The following TTC14 variants were observed in gnomAD, a reference collection of about 807,000 sequenced individuals.
The protein encoded by TTC14 is tetratricopeptide repeat domain 14.
A neutral mutation model predicts 79.9 loss-of-function variants in TTC14; 63 were observed. The ratio of observed to expected loss-of-function variants is 0.79; its 90% confidence interval spans 0.64 to 0.97. The LOEUF (loss-of-function observed/expected upper bound fraction) is 0.97. Ranked by LOEUF, TTC14 falls within the 50% of genes least tolerant of loss-of-function variation. TTC14 has a pLI of 0.00. For synonymous variants in TTC14, 335 were observed against 309.6 expected, an observed-to-expected ratio of 1.08 and a Z score of -0.86; for missense variants, 895 against 894.0, an observed-to-expected ratio of 1.00 and a Z score of -0.01.
At chr3:180,617,276 T>C in intron 12 of TTC14, 1 of 469,428 alleles carries the variant, frequency 2.1e-6, no homozygotes, top group Admixed American at 3.8e-5. Context: ...CATATAAAAG[T>C]CTAGCACATA....
rs1198401343 is a variant in TTC14, at chr3:180,602,345, T to C, written c.84T>C (p.Asn28=). 4 of 1,613,190 alleles carry C rather than the reference T, an allele frequency of 2.5e-6. No homozygotes were observed. In the Admixed American group the frequency reaches 6.7e-5, roughly 27 times the overall value. Reference sequence around the variant, plus strand: ...TACTTCGGAGCGAACAGCAGGACAATCCACACTTCCGTAGCCTCCTGGGGT... The same window carrying C: ...TACTTCGGAGCGAACAGCAGGACAACCCACACTTCCGTAGCCTCCTGGGGT... ...LSLLRSEQQD[N]PHFRSLLGSA... The change falls in exon 1 of 12, where the codon AAT becomes AAC. Residue 28 remains asparagine, a synonymous_variant. Transcript: ENST00000296015.
At chr3:180,607,553 C>T (rs1210104593) in intron 9 of TTC14, 95 bp from the exon 10 acceptor site, 11 of 1,387,618 alleles carry the variant, frequency 7.9e-6, no homozygotes, top group Non-Finnish European at 1.0e-5. Flanking sequence ...TGGCTTTTCC[C>T]TAATAAGCTC....
chr3:180,610,665 A>G lies in TTC14; in HGVS notation c.*123A>G. The stretch of plus-strand genomic sequence containing the variant: ...AAATTATTTGTAGAGATTACAGGAA[A>G]CAAATGCTTTTAAGTAAGTTTTTCT... On this transcript the variant is annotated 3_prime_UTR_variant, in exon 12 of 12. Coordinates refer to ENST00000296015, the MANE Select transcript of TTC14 (RefSeq NM_133462.4). The G allele has an allele frequency of 6.9e-7, 1 of 1,439,364 alleles. No homozygotes were observed. The highest frequency in any genetic ancestry group is 1.4e-5 in the African/African-American group (1 of 70,206). 89.2% of individuals were successfully genotyped at this position (1,439,364 alleles called of 1,614,324 possible). A position where few individuals can be genotyped will look rare whatever the true frequency, so the allele number is the denominator to read the frequency against.
chr3:180,602,864 T>A, intron 1 of TTC14, 27 bp from the exon 2 acceptor site: 1 of 1,590,526 alleles, frequency 6.3e-7, no homozygotes, highest in Non-Finnish European at 8.5e-7. Flanking sequence ...ATAACCCAAT[T>A]TTCATATATA....
chr3:180,609,242 TCCCACCCGC>T, intron 11 of TTC14: 6 of 606,932 alleles, frequency 9.9e-6, no homozygotes, highest in Non-Finnish European at 1.3e-5. Flanking sequence ...ACAGGTCAGC[TCCCACCCGC>T]ACCCCCACCC....
chr3:180,616,742 AT>A, intron 12 of TTC14: 1 of 1,573,722 alleles, frequency 6.4e-7, no homozygotes, highest in Non-Finnish European at 8.6e-7. Flanking sequence ...GTTTACCAGA[AT>A]TTAATATTTT....
At chr3:180,609,510 A>G (rs1716871131) in intron 11 of TTC14, 120 bp from the exon 12 acceptor site, 3 of 1,336,872 alleles carry the variant, frequency 2.2e-6, no homozygotes, top group South Asian at 2.3e-5. Context: ...AGATTATTGT[A>G]TCATTTATCT....
At chr3:180,615,084 G>GA, downstream of TTC14, 1 of 1,512,918 alleles carries the variant, frequency 6.6e-7, no homozygotes, top group East Asian at 2.4e-5. Flanking sequence ...TGACCTAGAA[G>GA]AAAAACCAGA....
chr3:180,602,763 T>C (rs1344769901), intron 1 of TTC14, 128 bp from the exon 2 acceptor site: 3 of 1,153,824 alleles, frequency 2.6e-6, no homozygotes, highest in African/African-American at 1.6e-5. Flanking sequence ...TAAAACTTTT[T>C]GTCTGAGGTT....
At chr3:180,602,585 G>A in intron 1 of TTC14, 163 bp downstream of exon 1, 1 of 985,112 alleles carries the variant, frequency 1.0e-6, no homozygotes, top group Non-Finnish European at 1.4e-6. Flanking sequence ...GGCGCTCCTG[G>A]GTTGTGCAAT....
Position 180,605,667 on chromosome 3 carries a change from T to G in TTC14, c.858-99T>G, listed in dbSNP as rs1264062115. On this transcript the variant is annotated intron_variant, in intron 6 of 11. Coordinates refer to ENST00000296015, the MANE Select transcript of TTC14 (RefSeq NM_133462.4). ...TAGAATGCAGATTTCTTGCTTGGGA[T>G]TCATACTTTCACTGTCGAGTGCCTG... 5.2e-6 allele frequency: 4 copies of G among 766,996 alleles called. No homozygotes were observed. The Admixed American group carries it at 1.0e-4, about 20-fold the overall frequency. The allele number at this position is 766,996 out of a possible 1,614,324, so 47.5% of individuals were successfully genotyped here. A position where few individuals can be genotyped will look rare whatever the true frequency, so the allele number is the denominator to read the frequency against.
Position 180,602,952 on chromosome 3 carries a change from C to CT in TTC14, c.228dup (p.Ala77CysfsTer13). On this transcript the variant is annotated frameshift_variant, in exon 2 of 12. Coordinates refer to ENST00000296015, the MANE Select transcript of TTC14 (RefSeq NM_133462.4). LOFTEE classifies it high-confidence loss of function. The stretch of plus-strand genomic sequence containing the variant: ...ATTCATCTCCAAAAAAGCGGATCTG[C>CT]TTTTTGCACTTTCCTGGAAATCAGA... 1 of 1,613,932 alleles carries CT rather than the reference C, an allele frequency of 6.2e-7. No homozygotes were observed. Among genetic ancestry groups the CT allele is most frequent in the Non-Finnish European group, 8.5e-7 (1 of 1,179,978 alleles).
At chr3:180,616,270 C>A (rs751853252) in intron 12 of TTC14, 2 of 1,611,686 alleles carry the variant, frequency 1.2e-6, no homozygotes, top group South Asian at 2.2e-5. Context: ...TTTTTTTAAC[C>A]CTCCGCTTAC....
In TTC14 at chr3:180,609,841, C is replaced by G. The variant is rs748832584; in HGVS notation, c.1612C>G (p.Pro538Ala). 6.2e-7 allele frequency: 1 copy of G among 1,613,588 alleles called. No homozygotes were observed. The highest frequency in any genetic ancestry group is 8.5e-7 in the Non-Finnish European group (1 of 1,179,812). The change falls in exon 12 of 12, where the codon CCA becomes GCA. Residue 538 changes from proline (P) to alanine (A), a missense_variant. Pro to Ala is a conservative substitution (Grantham distance 27, BLOSUM62 -1). Coordinates refer to ENST00000296015, the MANE Select transcript of TTC14 (RefSeq NM_133462.4). ...TCAGAATAGGAAAGATGAGTGCTAC[C>G]CAGTTCCAGCTAATACTTCAGCATC... ...IDQNRKDECY[P>A]VPANTSASFL...
intron 9 of TTC14, 140 bp downstream of exon 9, chr3:180,606,743 G>GATT: frequency 9.3e-7 from 1 of 1,073,856 alleles, no homozygotes; most frequent in Non-Finnish European, 1.3e-6. Context: ...AAGTACAAGA[G>GATT]ATTAGGCAAA....
At chr3:180,607,850 A>G in intron 10 of TTC14, 85 bp downstream of exon 10, 1 of 1,561,932 alleles carries the variant, frequency 6.4e-7, no homozygotes, top group African/African-American at 1.4e-5. Flanking sequence ...ACTATTCTAC[A>G]TTACTTAAGT....
chr3:180,605,125 A>G (rs1435188553), intron 6 of TTC14, 118 bp downstream of exon 6: 1 of 977,038 alleles, frequency 1.0e-6, no homozygotes, highest in East Asian at 2.6e-5. Context: ...GGCATATGCC[A>G]AAGGTTGAAT....
chr3:180,608,449 G>A, intron 10 of TTC14: 1 of 1,029,294 alleles, frequency 9.7e-7, no homozygotes, highest in Non-Finnish European at 1.2e-6. Flanking sequence ...CCACTGCAAT[G>A]GCTTCCCCTT....
rs1716758116 is a variant in TTC14, at chr3:180,607,505, A to C, written c.1173-143A>C. 9 of 1,264,440 alleles carry C rather than the reference A, an allele frequency of 7.1e-6. No individual in the cohort carries two copies. In the Admixed American group the frequency reaches 3.1e-4, roughly 44 times the overall value. 78.3% of individuals were successfully genotyped at this position (1,264,440 alleles called of 1,614,324 possible). A position where few individuals can be genotyped will look rare whatever the true frequency, so the allele number is the denominator to read the frequency against. ...TATGAAATAAATTACAGTAAAAAGC[A>C]TATTATTTTGGTATTTTATTTTGGA... On this transcript the variant is annotated intron_variant, in intron 9 of 11. Transcript: ENST00000296015.
Sources: gnomAD v4.1 joint callset for allele counts on GRCh38, gnomAD v4.1.1 for gene constraint, MANE v1.5 for transcripts, NCBI Gene and HGNC (gene_info 2026-07-23, HGNC 2026-07-21) for gene names.